CNTNAP2: variants seen among roughly 807,000 people sequenced by gnomAD.
CNTNAP2 encodes the protein contactin associated protein 2, also known as contactin-associated protein-like 2.
In CNTNAP2, 98 loss-of-function variants were observed where a neutral mutation model predicts 155.2. That is an observed-to-expected ratio of 0.63 (90% confidence interval 0.54 to 0.75). The LOEUF (loss-of-function observed/expected upper bound fraction) is 0.75, where lower values mean the gene tolerates loss of function less well. Among genes scored for constraint, CNTNAP2 ranks in the 30% least tolerant of loss-of-function variants. The pLI is 0.00. For missense variants in CNTNAP2, 1,727 were observed against 1,688.1 expected, an observed-to-expected ratio of 1.02 and a Z score of -0.40; for synonymous variants, 651 against 631.2, an observed-to-expected ratio of 1.03 and a Z score of -0.47.
chr7:146,700,613 AG>A (rs1345691119), intron 1 of CNTNAP2, among the ~76,000 whole-genome samples: 1 of 152,162 alleles, frequency 6.6e-6, no homozygotes, highest in Non-Finnish European at 1.5e-5. Context: ...GGGCATTCAA[AG>A]GAAGTTATAT....
chr7:147,533,290 A>G (rs10215839), intron 11 of CNTNAP2, among the ~76,000 whole-genome samples: 9,561 of 152,258 alleles, frequency 0.063, 588 homozygotes, highest in African/African-American at 0.16. Flanking sequence ...TAACAATCAA[A>G]TATTACAGAA....
intron 1 of CNTNAP2, among the ~76,000 whole-genome samples, chr7:146,245,485 G>C (rs1799631620): frequency 6.6e-6 from 1 of 152,124 alleles, no homozygotes; most frequent in South Asian, 2.1e-4. Flanking sequence ...CAGACATGAC[G>C]GCTAGGCTAA....
intron 11 of CNTNAP2, among the ~76,000 whole-genome samples, chr7:147,515,258 A>G (rs540258148): frequency 4.0e-5 from 6 of 151,466 alleles, no homozygotes; most frequent in African/African-American, 1.5e-4. Context: ...TAAAATAGTA[A>G]CCTCACTTCT....
intron 1 of CNTNAP2, among the ~76,000 whole-genome samples, chr7:146,284,090 C>A (rs1800291627): frequency 6.6e-6 from 1 of 152,016 alleles, no homozygotes; most frequent in African/African-American, 2.4e-5. Flanking sequence ...TGAATTCATC[C>A]ACTATTGTTA....
intron 11 of CNTNAP2, among the ~76,000 whole-genome samples, chr7:147,521,905 A>C (rs934806534): frequency 1.3e-5 from 2 of 152,206 alleles, no homozygotes; most frequent in South Asian, 4.1e-4. Context: ...TTCAGCTACC[A>C]AATACCATCT....
intron 2 of CNTNAP2, among the ~76,000 whole-genome samples, chr7:146,838,731 G>A (rs540266064): frequency 6.6e-6 from 1 of 152,298 alleles, no homozygotes; most frequent in East Asian, 1.9e-4. Context: ...GATGATTTAT[G>A]AAATGATTAT....
intron 4 of CNTNAP2, among the ~76,000 whole-genome samples, chr7:147,099,060 G>A (rs916726216): frequency 1.3e-5 from 2 of 152,096 alleles, no homozygotes; most frequent in Admixed American, 6.5e-5. Flanking sequence ...CTGTGGGCAA[G>A]GTCCTTTATT....
At chr7:146,393,591 C>T (rs560480837) in intron 1 of CNTNAP2, among the ~76,000 whole-genome samples, 69 of 152,266 alleles carry the variant, frequency 4.5e-4, no homozygotes, top group African/African-American at 1.6e-3. Flanking sequence ...TGGAGCCTCC[C>T]TAACTCAAGT....
At chr7:146,125,167 G>A (rs1237334111) in intron 1 of CNTNAP2, among the ~76,000 whole-genome samples, 2 of 152,122 alleles carry the variant, frequency 1.3e-5, no homozygotes, top group South Asian at 4.1e-4. Flanking sequence ...TGTAGTATAT[G>A]TAAGTTTTAT....
At chr7:147,823,058 A>G (rs1798387279) in intron 13 of CNTNAP2, among the ~76,000 whole-genome samples, 1 of 152,180 alleles carries the variant, frequency 6.6e-6, no homozygotes, top group Non-Finnish European at 1.5e-5. Context: ...CAAACCATAT[A>G]TTTGACTCCC....
intron 8 of CNTNAP2, among the ~76,000 whole-genome samples, chr7:147,140,067 A>G (rs1801562667): frequency 6.6e-6 from 1 of 151,898 alleles, no homozygotes; most frequent in South Asian, 2.1e-4. Context: ...TCTTCTCTCC[A>G]GTCAGTGCTT....
At chr7:146,929,534 C>T (rs571868230) in intron 3 of CNTNAP2, among the ~76,000 whole-genome samples, 201 of 152,322 alleles carry the variant, frequency 1.3e-3, no homozygotes, top group African/African-American at 4.7e-3. Flanking sequence ...CAGAGCGCCT[C>T]TCCTCCTCCA....
chr7:147,664,804 G>T (rs964759842), intron 13 of CNTNAP2, among the ~76,000 whole-genome samples: 10 of 152,106 alleles, frequency 6.6e-5, no homozygotes, highest in African/African-American at 1.9e-4. Context: ...TTGCTACGTG[G>T]CTAGAAGCAA....
chr7:146,316,336 T>A (rs1189752050), intron 1 of CNTNAP2, among the ~76,000 whole-genome samples: 2 of 152,148 alleles, frequency 1.3e-5, no homozygotes, highest in African/African-American at 2.4e-5. Flanking sequence ...GAAAAGAGGC[T>A]GAACAACAGA....
At chr7:147,384,648 C>T (rs1047857940) in intron 9 of CNTNAP2, among the ~76,000 whole-genome samples, 7 of 152,094 alleles carry the variant, frequency 4.6e-5, no homozygotes, top group African/African-American at 1.7e-4. Flanking sequence ...CATCAATAAT[C>T]CATAGAGGTT....
intron 1 of CNTNAP2, among the ~76,000 whole-genome samples, chr7:146,306,479 T>A (rs1343393530): frequency 6.6e-6 from 1 of 152,138 alleles, no homozygotes; most frequent in South Asian, 2.1e-4. Flanking sequence ...CTGATGAACA[T>A]TGATGCAAAA....
chr7:146,541,480 A>T (rs943764446), intron 1 of CNTNAP2, among the ~76,000 whole-genome samples: 1 of 151,994 alleles, frequency 6.6e-6, no homozygotes, highest in Non-Finnish European at 1.5e-5. Flanking sequence ...TTAAATGAAG[A>T]TGAGTCATAT....
intron 1 of CNTNAP2, among the ~76,000 whole-genome samples, chr7:146,429,875 T>A (rs576388485): frequency 1.3e-5 from 2 of 152,316 alleles, no homozygotes; most frequent in East Asian, 3.9e-4. Flanking sequence ...AGATGGCTCT[T>A]ATTATTGTGA....
At chr7:147,828,483 G>T (rs76531067) in intron 13 of CNTNAP2, among the ~76,000 whole-genome samples, 2 of 152,166 alleles carry the variant, frequency 1.3e-5, no homozygotes, top group African/African-American at 4.8e-5. Flanking sequence ...TAAAATCAAT[G>T]GCACATCTTT....
Sources: gnomAD v4.1 joint callset for allele counts (sites outside exome capture counted in the v4.1 genomes callset) on GRCh38, gnomAD v4.1.1 for gene constraint, MANE v1.5 for transcripts, NCBI Gene and HGNC (gene_info 2026-07-23, HGNC 2026-07-21) for gene names.